Variants in TAF9B observed in about 807,000 individuals in gnomAD.
TAF9B encodes TATA-box binding protein associated factor 9b, also known as transcription initiation factor TFIID subunit 9B.
In TAF9B, 47 loss-of-function variants were observed where a neutral mutation model predicts 17.6. That is an observed-to-expected ratio of 2.68 (90% CI 2.12 to 3.41). The LOEUF (loss-of-function observed/expected upper bound fraction) is 3.41. Ranked by LOEUF, TAF9B falls within the 30% of genes most tolerant of loss-of-function variation. The pLI is 0.00. For synonymous variants in TAF9B, 84 were observed against 68.7 expected (o/e 1.22, Z -1.10); for missense variants, 218 against 189.3 (o/e 1.15, Z -0.89).
chrX:78,137,073 G>T, intron 4 of TAF9B, 83 bp from the exon 5 acceptor site: 1 of 707,765 alleles, frequency 1.4e-6, no homozygotes, highest in Non-Finnish European at 2.2e-6. Context: ...TGATGTAAAT[G>T]ATTATGGATA....
At chrX:78,136,837 G>T in intron 5 of TAF9B, 78 bp downstream of exon 5, 1 of 670,522 alleles carries the variant, frequency 1.5e-6, no homozygotes, top group Non-Finnish European at 2.3e-6. Context: ...TTCACTTTTT[G>T]ACTTGCATTA....
intron 6 of TAF9B, 36 bp from the exon 7 acceptor site, chrX:78,131,809 C>A: frequency 8.7e-7 from 1 of 1,149,102 alleles, no homozygotes; most frequent in Non-Finnish European, 1.2e-6. Context: ...CAAAACCAAG[C>A]TATGAATTAC....
At position 78,131,618 on chromosome X, in the gene TAF9B, TATC is replaced by T. The variant is rs1569550989; in HGVS notation, c.745_747del (p.Asp249del). On this transcript the variant is annotated inframe_deletion, in exon 7 of 7. Transcript: ENST00000341864. ...AGACTAGACTATATTCCTTACATAA[TATC>T]ATTGTCATCATCATCTTCATGTTTT... The T allele has an allele frequency of 5.0e-6, 6 of 1,210,374 alleles. No individual in the cohort carries two copies. The highest frequency in any genetic ancestry group is 2.2e-5 in the Admixed American group (1 of 45,980).
In TAF9B at chrX:78,136,975, T is replaced by C; in HGVS notation, c.421A>G (p.Arg141Gly). The change falls in exon 5 of 7, where the codon AGA (arginine) becomes GGA (glycine). Residue 141 changes from arginine to glycine, a missense_variant. Coordinates refer to ENST00000341864, the MANE Select transcript of TAF9B (RefSeq NM_015975.5). ...SLIKKGPNQG[R>G]LVPRLSVGAV... ...CCAACACTTAATCGTGGAACTAGTC[T>C]CCCTTGGTTAGGTCCCTAGGGGATT... 1 of 1,202,209 alleles carries C rather than the reference T, an allele frequency of 8.3e-7. No individual in the cohort carries two copies.
chrX:78,137,645 C>A (rs782090930), intron 4 of TAF9B, 104 bp downstream of exon 4: 12 of 788,904 alleles, frequency 1.5e-5, no homozygotes, highest in African/African-American at 2.2e-5. Flanking sequence ...AGTAAGTTAT[C>A]TTAACCTTTA....
At chrX:78,135,235 G>A (rs1452765519) in intron 5 of TAF9B, among the ~76,000 whole-genome samples, 1 of 103,248 alleles carries the variant, frequency 9.7e-6, no homozygotes, top group African/African-American at 3.5e-5. Flanking sequence ...TTACAGGTGT[G>A]AGCCACCGCA....
In TAF9B at chrX:78,133,372, C is replaced by A; in HGVS notation, c.558G>T (p.Gln186His). The A allele has an allele frequency of 8.3e-7, 1 of 1,211,525 alleles. No homozygotes were observed. The highest frequency in any genetic ancestry group is 1.1e-6 in the Non-Finnish European group (1 of 895,013). Residue 186 changes from glutamine to histidine, a missense_variant, in exon 6 of 7, where the codon CAG (glutamine) becomes CAT (histidine). Coordinates refer to ENST00000341864, the MANE Select transcript of TAF9B (RefSeq NM_015975.5). ...MSVTSQRFTV[Q>H]IPPSQSTPVK... ...CAGGTGTGGACTGAGAAGGTGGAAT[C>A]TGCACCGTAAATCTTTGGCTTGTCA...
chrX:78,133,018 A>T (rs955506722), intron 6 of TAF9B, among the ~76,000 whole-genome samples: 1 of 111,897 alleles, frequency 8.9e-6, no homozygotes, highest in Non-Finnish European at 1.9e-5. Context: ...TTGTTAATTA[A>T]TTATTGTTAA....
intron 5 of TAF9B, among the ~76,000 whole-genome samples, chrX:78,133,678 C>CTT (rs1254748868): frequency 1.8e-5 from 2 of 111,513 alleles, no homozygotes; most frequent in Admixed American, 1.9e-4. Context: ...AGCCTACCTG[C>CTT]TTGAGTTTGA....
At position 78,130,156 on chromosome X, in the gene TAF9B, T is replaced by C. The variant is rs1279211874; in HGVS notation, c.*1454A>G. ...GATACGAGACATTTGAGACATTTCTTCTCTGTTACTGGACTTTCTTAGATA... is the reference window on the plus strand; with the variant it reads ...GATACGAGACATTTGAGACATTTCTCCTCTGTTACTGGACTTTCTTAGATA... On this transcript the variant is annotated 3_prime_UTR_variant, in exon 7 of 7. Coordinates refer to ENST00000341864, the MANE Select transcript of TAF9B (RefSeq NM_015975.5). 2 of 112,719 alleles carry C rather than the reference T, an allele frequency of 1.8e-5. No homozygotes were observed. Among genetic ancestry groups the C allele is most frequent in the Middle Eastern group, 4.6e-3 (1 of 218 alleles). 9.3% of individuals were successfully genotyped at this position (112,719 alleles called of 1,213,427 possible). A position where few individuals can be genotyped will look rare whatever the true frequency, so the allele number is the denominator to read the frequency against.
At chrX:78,131,837 T>C (rs1557249535) in intron 6 of TAF9B, 64 bp from the exon 7 acceptor site, 4 of 1,036,226 alleles carry the variant, frequency 3.9e-6, no homozygotes, top group African/African-American at 1.9e-5. Flanking sequence ...CTGAAACATA[T>C]GATAAAAAGT....
intron 4 of TAF9B, among the ~76,000 whole-genome samples, chrX:78,137,404 A>G (rs1364940025): frequency 9.0e-6 from 1 of 111,557 alleles, no homozygotes; most frequent in Non-Finnish European, 1.9e-5. Flanking sequence ...CATATTTTAG[A>G]AAGCTGGCCT....
chrX:78,133,827 C>G (rs1320064286), intron 5 of TAF9B, among the ~76,000 whole-genome samples: 8 of 111,438 alleles, frequency 7.2e-5, no homozygotes, highest in Non-Finnish European at 1.1e-4. Context: ...AAAATAATCC[C>G]TGTAAAACTC....
At chrX:78,134,774 A>G (rs2078427753) in intron 5 of TAF9B, among the ~76,000 whole-genome samples, 1 of 111,412 alleles carries the variant, frequency 9.0e-6, no homozygotes, top group Non-Finnish European at 1.9e-5. Context: ...TAAGTATTTT[A>G]TTTTATAAAG....
At position 78,131,574 on chromosome X, in the gene TAF9B, T is replaced by G. The variant is rs782362587; in HGVS notation, c.*36A>C. ...CAGTATACTGGGCTCAAAACCAACT[T>G]TCCTTTTGAAATGCATCTAGACTAG... On this transcript the variant is annotated 3_prime_UTR_variant, in exon 7 of 7. Coordinates refer to ENST00000341864, the MANE Select transcript of TAF9B (RefSeq NM_015975.5). 1.7e-6 allele frequency: 2 copies of G among 1,170,199 alleles called. No individual in the cohort carries two copies. The highest frequency in any genetic ancestry group is 2.3e-6 in the Non-Finnish European group (2 of 868,164).
In TAF9B at chrX:78,139,650, G is replaced by A; in HGVS notation, c.-39C>T. 8.3e-7 allele frequency: 1 copy of A among 1,209,126 alleles called. No individual in the cohort carries two copies. The highest frequency in any genetic ancestry group is 1.1e-6 in the Non-Finnish European group (1 of 893,922). On this transcript the variant is annotated 5_prime_UTR_variant, in exon 1 of 7. Transcript: ENST00000341864. ...TCGTCATCCGCGGAGACAGAGGAGAGAGGAGAGCTCGCGGGCTCCTCGCTC... is the reference window on the plus strand; with the variant it reads ...TCGTCATCCGCGGAGACAGAGGAGAAAGGAGAGCTCGCGGGCTCCTCGCTC...
chrX:78,138,740 G>A (rs2078444280), intron 2 of TAF9B, 103 bp downstream of exon 2: 7 of 678,868 alleles, frequency 1.0e-5, no homozygotes, highest in South Asian at 4.6e-5. Context: ...GGGCAACAGC[G>A]AGTCCCTGTC....
At chrX:78,132,322 T>C (rs1569551008) in intron 6 of TAF9B, among the ~76,000 whole-genome samples, 3 of 111,928 alleles carry the variant, frequency 2.7e-5, no homozygotes, top group South Asian at 3.7e-4. Flanking sequence ...CGGGATATAA[T>C]GTGATGTTCT....
rs1557249404 is a variant in TAF9B, at chrX:78,131,205, G to A, written c.*405C>T. 9.0e-6 allele frequency: 1 copy of A among 110,612 alleles called. No homozygotes were observed. The highest frequency in any genetic ancestry group is 2.8e-4 in the East Asian group (1 of 3,546). 9.1% of individuals were successfully genotyped at this position (110,612 alleles called of 1,213,427 possible). On this transcript the variant is annotated 3_prime_UTR_variant, in exon 7 of 7. Transcript: ENST00000341864. ...GGTAAAAAAAAAAAAATTAGCTAGT[G>A]ACAGTAAGTAACTATATTACCTTAT...
Sources: allele counts gnomAD v4.1 joint callset (sites outside exome capture counted in the v4.1 genomes callset), GRCh38; gene constraint gnomAD v4.1.1; transcripts MANE v1.5; gene names NCBI Gene and HGNC (gene_info 2026-07-23, HGNC 2026-07-21).